The following SHROOM3 variants were observed in gnomAD, a reference collection of about 807,000 sequenced individuals.
The protein encoded by SHROOM3 is protein Shroom3.
In SHROOM3, 47 loss-of-function variants were observed where a neutral mutation model predicts 138.6. That is an observed-to-expected ratio of 0.34 (90% CI 0.27 to 0.43). SHROOM3 has a LOEUF of 0.43. Among genes scored for constraint, SHROOM3 ranks in the 20% least tolerant of loss-of-function variants. The pLI is 1.00. For synonymous variants in SHROOM3, 1,062 were observed against 1,063.3 expected, an observed-to-expected ratio of 1.00 and a Z score of 0.02; for missense variants, 2,491 against 2,596.5, an observed-to-expected ratio of 0.96 and a Z score of 0.88.
At chr4:76,775,897 G>A (rs1022236498) in intron 10 of SHROOM3, among the ~76,000 whole-genome samples, 3 of 151,256 alleles carry the variant, frequency 2.0e-5, no homozygotes, top group African/African-American at 7.3e-5. Flanking sequence ...ATTTGGGCTG[G>A]TTCCCTTTTT....
At chr4:76,689,691 C>G in intron 2 of SHROOM3, 1 of 985,432 alleles carries the variant, frequency 1.0e-6, no homozygotes. Flanking sequence ...GGCCGCGAGG[C>G]GAGCGGCGAT....
At chr4:76,535,382 G>C (rs1330699910) in intron 1 of SHROOM3, among the ~76,000 whole-genome samples, 1 of 151,996 alleles carries the variant, frequency 6.6e-6, no homozygotes, top group Non-Finnish European at 1.5e-5. Context: ...ATTTAACTTG[G>C]GGCAAATTAT....
intron 2 of SHROOM3, among the ~76,000 whole-genome samples, chr4:76,633,361 A>G (rs892826815): frequency 2.0e-5 from 3 of 149,744 alleles, no homozygotes; most frequent in East Asian, 2.0e-4. Flanking sequence ...AAAGAAAAAG[A>G]AAAAGGAAAA....
At chr4:76,457,273 A>G (rs552879435) in intron 1 of SHROOM3, among the ~76,000 whole-genome samples, 2 of 152,240 alleles carry the variant, frequency 1.3e-5, no homozygotes, top group East Asian at 3.9e-4. Flanking sequence ...TGTTCTCATG[A>G]TAGCGAGTGA....
intron 2 of SHROOM3, among the ~76,000 whole-genome samples, chr4:76,568,119 G>A (rs968001226): frequency 2.6e-5 from 4 of 152,172 alleles, no homozygotes; most frequent in Admixed American, 1.3e-4. Flanking sequence ...GATTTTGTTC[G>A]GTGTGGTATC....
intron 2 of SHROOM3, among the ~76,000 whole-genome samples, chr4:76,698,879 T>A (rs573843209): frequency 6.6e-6 from 1 of 152,260 alleles, no homozygotes; most frequent in East Asian, 1.9e-4. Flanking sequence ...TATTTTCTGT[T>A]CTTATCTGCA....
intron 1 of SHROOM3, among the ~76,000 whole-genome samples, chr4:76,454,933 T>A (rs190338769): frequency 7.9e-5 from 12 of 152,312 alleles, no homozygotes; most frequent in South Asian, 2.1e-4. Context: ...GAATTTTTTT[T>A]ATTTCTTTTT....
chr4:76,588,655 C>T (rs1734199106), intron 2 of SHROOM3, among the ~76,000 whole-genome samples: 1 of 152,144 alleles, frequency 6.6e-6, no homozygotes, highest in Non-Finnish European at 1.5e-5. Flanking sequence ...GTTGGGGAGG[C>T]CTGTAGGTTC....
intron 1 of SHROOM3, among the ~76,000 whole-genome samples, chr4:76,507,533 A>G (rs1251087927): frequency 7.0e-6 from 1 of 142,208 alleles, no homozygotes; most frequent in Non-Finnish European, 1.5e-5. Context: ...GGTCATTTGT[A>G]TCTCTCTTTT....
At chr4:76,530,129 A>G (rs958394693) in intron 1 of SHROOM3, among the ~76,000 whole-genome samples, 2 of 152,212 alleles carry the variant, frequency 1.3e-5, no homozygotes, top group African/African-American at 4.8e-5. Flanking sequence ...CATTTTTAAC[A>G]TTGAAAAGAA....
intron 2 of SHROOM3, among the ~76,000 whole-genome samples, chr4:76,596,260 TAGAG>T (rs1734381690): frequency 6.6e-6 from 1 of 151,914 alleles, no homozygotes; most frequent in African/African-American, 2.4e-5. Flanking sequence ...TATGAAAAAA[TAGAG>T]AGCCAGGTGT....
rs191098294 is a variant in SHROOM3 at position 76,600,973 on chromosome 4, T to C, written c.323+45210T>C. Among the ~76,000 whole-genome samples, 561 of 152,326 alleles carry C rather than the reference T, an allele frequency of 3.7e-3. 5 individuals are homozygous for C. Among genetic ancestry groups the C allele is most frequent in the African/African-American group, 0.013 (543 of 41,558 alleles). ...GACTAGGAAAAGTGGAAAGTCTGTA[T>C]TTTTATACTACTCTAAAATCTATTA... On this transcript the variant is annotated intron_variant, in intron 2 of 10. Coordinates refer to ENST00000296043, the MANE Select transcript of SHROOM3 (RefSeq NM_020859.4).
chr4:76,699,003 C>G (rs1719826819), intron 2 of SHROOM3, among the ~76,000 whole-genome samples: 2 of 152,228 alleles, frequency 1.3e-5, no homozygotes, highest in Admixed American at 1.3e-4. Flanking sequence ...CATCCTGTCA[C>G]CCTCCCCATG....
chr4:76,698,198 A>T (rs1380193864), intron 2 of SHROOM3, among the ~76,000 whole-genome samples: 1 of 152,196 alleles, frequency 6.6e-6, no homozygotes, highest in African/African-American at 2.4e-5. Flanking sequence ...AATAGCATGG[A>T]ATGTCTATTA....
chr4:76,599,779 G>T (rs889321489), intron 2 of SHROOM3, among the ~76,000 whole-genome samples: 2 of 152,166 alleles, frequency 1.3e-5, no homozygotes, highest in Non-Finnish European at 2.9e-5. Context: ...GGAAAGTGGA[G>T]TGCTTGGCAT....
chr4:76,481,715 G>T (rs1731617103), intron 1 of SHROOM3, among the ~76,000 whole-genome samples: 1 of 152,124 alleles, frequency 6.6e-6, no homozygotes, highest in Non-Finnish European at 1.5e-5. Flanking sequence ...GAAAATTTCA[G>T]GCCAATATCC....
chr4:76,734,880 G>T (rs1166826559), intron 4 of SHROOM3, among the ~76,000 whole-genome samples: 1 of 152,114 alleles, frequency 6.6e-6, no homozygotes, highest in Non-Finnish European at 1.5e-5. Flanking sequence ...ATAAAGCAGG[G>T]TAACAGGCAT....
chr4:76,621,148 T>TAA (rs200298082), intron 2 of SHROOM3, among the ~76,000 whole-genome samples: 41 of 146,118 alleles, frequency 2.8e-4, no homozygotes, highest in Admixed American at 1.4e-3. Flanking sequence ...TGCCAAGTAT[T>TAA]AAAAAAAAAA....
intron 1 of SHROOM3, among the ~76,000 whole-genome samples, chr4:76,463,388 A>T (rs775626904): frequency 6.6e-6 from 1 of 152,240 alleles, no homozygotes; most frequent in Admixed American, 6.5e-5. Context: ...GCTTAGGCTC[A>T]TATGTGTTCA....
Sources: allele counts gnomAD v4.1 joint callset (sites outside exome capture counted in the v4.1 genomes callset), GRCh38; gene constraint gnomAD v4.1.1; transcripts MANE v1.5; gene names NCBI Gene and HGNC (gene_info 2026-07-23, HGNC 2026-07-21).